The following ANKRD55 variants were observed in gnomAD, a reference collection of about 807,000 sequenced individuals.
The protein encoded by ANKRD55 is ankyrin repeat domain 55.
A neutral mutation model predicts 60.6 loss-of-function variants in ANKRD55; 41 were observed. The observed-to-expected ratio is 0.68, with a 90% CI of 0.53 to 0.88. The LOEUF is 0.88. Among genes scored for constraint, ANKRD55 ranks in the 40% least tolerant of loss-of-function variants. ANKRD55 has a pLI of 0.00. For synonymous variants in ANKRD55, 264 were observed against 290.3 expected (o/e 0.91, Z 0.92); for missense variants, 732 against 767.6 (o/e 0.95, Z 0.55).
At chr5:56,104,513 G>A (rs761354402) in intron 10 of ANKRD55, among the ~76,000 whole-genome samples, 3 of 152,218 alleles carry the variant, frequency 2.0e-5, no homozygotes, top group South Asian at 2.1e-4. Flanking sequence ...GGGTGGAGCC[G>A]TGCATAGCCC....
At chr5:56,182,061 AT>A (rs1390325990) in intron 3 of ANKRD55, among the ~76,000 whole-genome samples, 3 of 152,016 alleles carry the variant, frequency 2.0e-5, no homozygotes, top group Non-Finnish European at 4.4e-5. Flanking sequence ...GTGTTTTCTC[AT>A]CTCTTCTTTT....
At chr5:56,215,556 C>CT (rs1338280662) in intron 2 of ANKRD55, among the ~76,000 whole-genome samples, 15 of 152,200 alleles carry the variant, frequency 9.9e-5, no homozygotes, top group African/African-American at 3.4e-4. Flanking sequence ...CCACCATCAC[C>CT]TTTTCCTTCT....
chr5:56,230,295 C>T (rs866863657), intron 2 of ANKRD55, among the ~76,000 whole-genome samples: 13 of 152,196 alleles, frequency 8.5e-5, no homozygotes, highest in Admixed American at 2.6e-4. Context: ...GGCTTTCACC[C>T]TGTTGGCCAG....
intron 2 of ANKRD55, among the ~76,000 whole-genome samples, chr5:56,194,767 A>C (rs1192575198): frequency 6.6e-6 from 1 of 152,224 alleles, no homozygotes; most frequent in African/African-American, 2.4e-5. Flanking sequence ...ATTATGGGTG[A>C]CTAATAATAA....
intron 6 of ANKRD55, 103 bp from the exon 7 acceptor site, chr5:56,144,032 G>A (rs12514073): frequency 0.017 from 25,176 of 1,466,686 alleles, 363 homozygotes; most frequent in Admixed American, 0.062. Context: ...CACCAGATGC[G>A]TTGGTTGTTT....
chr5:56,120,558 A>G (rs1163199075), intron 8 of ANKRD55, among the ~76,000 whole-genome samples: 1 of 152,186 alleles, frequency 6.6e-6, no homozygotes, highest in Non-Finnish European at 1.5e-5. Flanking sequence ...TAAACATCTG[A>G]ATGGAAATGG....
chr5:56,148,819 G>A (rs926470779), intron 6 of ANKRD55, among the ~76,000 whole-genome samples: 4 of 151,720 alleles, frequency 2.6e-5, no homozygotes, highest in South Asian at 2.1e-4. Context: ...TTTGTTCCCC[G>A]TCTTGGTTGG....
intron 2 of ANKRD55, among the ~76,000 whole-genome samples, chr5:56,226,320 C>G (rs1760109141): frequency 6.6e-6 from 1 of 152,154 alleles, no homozygotes; most frequent in Admixed American, 6.5e-5. Context: ...ACACCTTATA[C>G]AAAAATTAAT....
intron 10 of ANKRD55, 41 bp downstream of exon 10, chr5:56,111,077 A>G (rs1756675825): frequency 6.3e-7 from 1 of 1,584,814 alleles, no homozygotes; most frequent in African/African-American, 1.3e-5. Flanking sequence ...CATTTCCAGT[A>G]TAGAGCCTGC....
chr5:56,232,931 A>G lies in ANKRD55; in HGVS notation c.-18T>C, dbSNP rs760280575. The G allele has an allele frequency of 6.2e-7, 1 of 1,613,576 alleles. No homozygotes were observed. Among genetic ancestry groups the G allele is most frequent in the Non-Finnish European group, 8.5e-7 (1 of 1,179,510 alleles). ...CTCATCATTTACCATCAGAATGGCA[A>G]AAAGCATCCAGGTCTCTAGAGAGGA... On this transcript the variant is annotated 5_prime_UTR_variant, in exon 2 of 12. Transcript: ENST00000341048.
At chr5:56,127,596 G>C in intron 7 of ANKRD55, 1 of 984,986 alleles carries the variant, frequency 1.0e-6, no homozygotes, top group Non-Finnish European at 1.2e-6. Flanking sequence ...TTTCGGGGTA[G>C]GGCCAAGGAG....
At chr5:56,229,894 G>A (rs965275865) in intron 2 of ANKRD55, among the ~76,000 whole-genome samples, 2 of 150,442 alleles carry the variant, frequency 1.3e-5, no homozygotes, top group African/African-American at 5.0e-5. Context: ...ATTATTATTA[G>A]GAAGGACCCA....
intron 2 of ANKRD55, among the ~76,000 whole-genome samples, chr5:56,184,371 G>C (rs2111833254): frequency 6.6e-6 from 1 of 152,266 alleles, no homozygotes; most frequent in African/African-American, 2.4e-5. Context: ...TGTAAGGATG[G>C]GATTGGCTTC....
chr5:56,143,647 C>T (rs1256821457), intron 7 of ANKRD55, 154 bp downstream of exon 7: 5 of 1,016,222 alleles, frequency 4.9e-6, no homozygotes, highest in African/African-American at 3.2e-5. Context: ...TATAACTACT[C>T]CCCTTTGCAT....
intron 7 of ANKRD55, among the ~76,000 whole-genome samples, chr5:56,130,443 T>C (rs181413205): frequency 6.6e-6 from 1 of 152,298 alleles, no homozygotes; most frequent in African/African-American, 2.4e-5. Flanking sequence ...ATATTCACAT[T>C]CCAGAGGCAT....
chr5:56,131,666 C>T (rs941408502), intron 7 of ANKRD55, among the ~76,000 whole-genome samples: 1 of 151,262 alleles, frequency 6.6e-6, no homozygotes, highest in Non-Finnish European at 1.5e-5. Flanking sequence ...TGTGGTGGTG[C>T]GTGCCTGTGA....
intron 4 of ANKRD55, among the ~76,000 whole-genome samples, chr5:56,174,866 T>A (rs1581001986): frequency 6.8e-6 from 1 of 147,292 alleles, no homozygotes; most frequent in Non-Finnish European, 1.5e-5. Context: ...GCCAAGGAGG[T>A]TTGTTCAACA....
At chr5:56,128,986 C>T (rs1757344130) in intron 7 of ANKRD55, among the ~76,000 whole-genome samples, 1 of 152,172 alleles carries the variant, frequency 6.6e-6, no homozygotes, top group Non-Finnish European at 1.5e-5. Context: ...ACTGAGACCT[C>T]CTTTACAGTT....
chr5:56,116,696 T>C lies in ANKRD55; in HGVS notation c.884A>G (p.Asp295Gly). The C allele has an allele frequency of 6.2e-7, 1 of 1,614,096 alleles. No homozygotes were observed. Among genetic ancestry groups the C allele is most frequent in the South Asian group, 1.1e-5 (1 of 91,066 alleles). Residue 295 changes from aspartate (D) to glycine (G), a missense_variant, in exon 9 of 12, where the codon GAC becomes GGC. Asp to Gly is a moderately conservative substitution (Grantham distance 94). Transcript: ENST00000341048. ...LELGMDSNLR[D>G]INESTPLAYA... Reference sequence around the variant, plus strand: ...GGCCAAGGGCGTGCTCTCATTGATGTCCCGCAGGTTGCTGTCCATTCCCAA... The same window carrying C: ...GGCCAAGGGCGTGCTCTCATTGATGCCCCGCAGGTTGCTGTCCATTCCCAA...
Sources: gnomAD v4.1 joint callset for allele counts (sites outside exome capture counted in the v4.1 genomes callset) on GRCh38, gnomAD v4.1.1 for gene constraint, MANE v1.5 for transcripts, NCBI Gene and HGNC (gene_info 2026-07-23, HGNC 2026-07-21) for gene names.